VDR: variants seen among roughly 807,000 people sequenced by gnomAD.
VDR encodes the protein vitamin D3 receptor.
Under a neutral mutation model 39.7 loss-of-function variants are expected in VDR, and 19 were observed. That is an observed-to-expected ratio of 0.48 (90% confidence interval 0.33 to 0.70). The LOEUF (loss-of-function observed/expected upper bound fraction) is 0.70. Ranked by LOEUF, VDR falls within the 30% of genes least tolerant of loss-of-function variation. The pLI, the probability that VDR is intolerant of heterozygous loss-of-function variation, is 0.02. For missense variants in VDR, 442 were observed against 570.5 expected (o/e 0.77, Z 2.29); for synonymous variants, 242 against 215.8 (o/e 1.12, Z -1.07).
chr12:47,844,982 C>G lies in VDR; in HGVS notation c.1048G>C (p.Ala350Pro), dbSNP rs148856375. Residue 350 changes from alanine (A) to proline (P), a missense_variant, in exon 10 of 10, where the codon GCG becomes CCG. By Grantham distance (27) the Ala-to-Pro change is conservative. Coordinates refer to ENST00000549336, the MANE Select transcript of VDR (RefSeq NM_000376.3). ...CGGTCCTGGATGGCCTCAATCAGCG[C>G]GGCGTCCTGCACCCCAGGACGATCT... is the stretch of plus-strand genomic sequence containing the variant. ...SPDRPGVQDAALIEAIQDRLS... is the reference protein window; with the variant it reads ...SPDRPGVQDAPLIEAIQDRLS... 5.0e-6 allele frequency: 8 copies of G among 1,613,102 alleles called. No individual in the cohort carries two copies. The Admixed American group carries it at 1.0e-4, about 20-fold the overall frequency.
At chr12:47,900,008 C>T in intron 1 of VDR, 1 of 943,216 alleles carries the variant, frequency 1.1e-6, no homozygotes, top group Non-Finnish European at 1.3e-6. Context: ...GAGAATAGCT[C>T]CCCATTGGCC....
intron 1 of VDR, chr12:47,904,712 C>A: frequency 7.0e-7 from 1 of 1,423,616 alleles, no homozygotes; most frequent in Non-Finnish European, 9.5e-7. Flanking sequence ...AGCATTTCTC[C>A]TAAGCGCCGA....
chr12:47,861,407 C>T (rs1452582155), intron 4 of VDR, among the ~76,000 whole-genome samples: 1 of 152,236 alleles, frequency 6.6e-6, no homozygotes, highest in African/African-American at 2.4e-5. Flanking sequence ...TTCACACAGG[C>T]CCAATCCATG....
At position 47,892,904 on chromosome 12, in the gene VDR, G is replaced by A. The variant is rs376862602; in HGVS notation, c.-83-10130C>T. 6.1e-4 allele frequency among the ~76,000 whole-genome samples: 93 copies of A among 152,342 alleles called. 1 individual carries two copies. The highest frequency in any genetic ancestry group is 2.1e-3 in the African/African-American group (89 of 41,578). On this transcript the variant is annotated intron_variant, in intron 1 of 9. Transcript: ENST00000549336. Reference sequence around the variant, plus strand: ...CTCCACGGAGACAGGAAGGAGCAGAGGAGTTTAATGTGGTGTGGTAAGAGG... The same window carrying A: ...CTCCACGGAGACAGGAAGGAGCAGAAGAGTTTAATGTGGTGTGGTAAGAGG...
intron 4 of VDR, among the ~76,000 whole-genome samples, chr12:47,860,495 T>C (rs1945606415): frequency 6.6e-6 from 1 of 152,258 alleles, no homozygotes; most frequent in South Asian, 2.1e-4. Flanking sequence ...CTGAGAAAGC[T>C]GACCTCTTTT....
At chr12:47,853,506 A>G (rs1475488008) in intron 7 of VDR, among the ~76,000 whole-genome samples, 4 of 151,584 alleles carry the variant, frequency 2.6e-5, no homozygotes, top group Admixed American at 1.3e-4. Context: ...TAATCCCAGC[A>G]CTTTGGGAAG....
chr12:47,845,673 A>G (rs1945265867), intron 9 of VDR, among the ~76,000 whole-genome samples: 1 of 152,164 alleles, frequency 6.6e-6, no homozygotes, highest in Non-Finnish European at 1.5e-5. Flanking sequence ...TAAGTGGATG[A>G]ATGAATGAGA....
intron 4 of VDR, among the ~76,000 whole-genome samples, chr12:47,862,968 G>T (rs1029258522): frequency 1.3e-5 from 2 of 152,220 alleles, no homozygotes; most frequent in South Asian, 4.1e-4. Flanking sequence ...GGATGAGGAG[G>T]GTGGTGTGGC....
chr12:47,890,699 G>C (rs1466498078), intron 1 of VDR, among the ~76,000 whole-genome samples: 3 of 152,166 alleles, frequency 2.0e-5, no homozygotes, highest in Admixed American at 2.0e-4. Context: ...CTTGGATAAG[G>C]GGAGCTTTCC....
At chr12:47,853,654 C>G (rs1019269749) in intron 7 of VDR, among the ~76,000 whole-genome samples, 3 of 152,106 alleles carry the variant, frequency 2.0e-5, no homozygotes, top group African/African-American at 7.2e-5. Flanking sequence ...ACTCAGGAGG[C>G]TGAGGCAGGA....
chr12:47,869,079 C>A (rs973275488), intron 3 of VDR, among the ~76,000 whole-genome samples: 4 of 152,256 alleles, frequency 2.6e-5, no homozygotes, highest in African/African-American at 9.6e-5. Context: ...GCAGCCCCCC[C>A]AGCTGCAGGG....
intron 3 of VDR, among the ~76,000 whole-genome samples, chr12:47,876,708 C>T (rs2137195884): frequency 6.6e-6 from 1 of 152,370 alleles, no homozygotes; most frequent in South Asian, 2.1e-4. Context: ...CCATCTTTCA[C>T]ACTCAGCCTG....
At chr12:47,885,613 T>C (rs1475308729) in intron 1 of VDR, among the ~76,000 whole-genome samples, 1 of 152,142 alleles carries the variant, frequency 6.6e-6, no homozygotes, top group Non-Finnish European at 1.5e-5. Flanking sequence ...GACCATGGAG[T>C]GGACAAGAAG....
At chr12:47,866,553 A>G (rs1485481997) in intron 3 of VDR, among the ~76,000 whole-genome samples, 3 of 152,202 alleles carry the variant, frequency 2.0e-5, no homozygotes, top group Non-Finnish European at 4.4e-5. Context: ...AGATGTGTAC[A>G]TGGAAGGAAG....
intron 1 of VDR, among the ~76,000 whole-genome samples, chr12:47,892,780 T>C (rs1946393864): frequency 6.6e-6 from 1 of 152,044 alleles, no homozygotes; most frequent in African/African-American, 2.4e-5. Context: ...ACGATCCAGG[T>C]AAGTGCCAGG....
intron 1 of VDR, among the ~76,000 whole-genome samples, chr12:47,883,861 C>A (rs1173884042): frequency 2.0e-5 from 3 of 152,232 alleles, no homozygotes; most frequent in African/African-American, 7.2e-5. Context: ...CCACTTGCCA[C>A]CCCCTCCAGT....
chr12:47,900,024 GACAAT>G, intron 1 of VDR: 5 of 871,884 alleles, frequency 5.7e-6, no homozygotes, highest in Non-Finnish European at 6.9e-6. Context: ...TGGCCAATGG[GACAAT>G]CAGCACATAG....
At chr12:47,884,946 G>C (rs1946225271) in intron 1 of VDR, among the ~76,000 whole-genome samples, 1 of 152,130 alleles carries the variant, frequency 6.6e-6, no homozygotes. Flanking sequence ...TTTTAGGAGA[G>C]ATATCCTAGA....
chr12:47,866,798 T>G (rs2137170151), intron 3 of VDR, among the ~76,000 whole-genome samples: 1 of 151,698 alleles, frequency 6.6e-6, no homozygotes. Context: ...GAGACCAGCC[T>G]GGCCAACATG....
Sources: gnomAD v4.1 joint callset for allele counts (sites outside exome capture counted in the v4.1 genomes callset) on GRCh38, gnomAD v4.1.1 for gene constraint, MANE v1.5 for transcripts, NCBI Gene and HGNC (gene_info 2026-07-23, HGNC 2026-07-21) for gene names.